The following AHCYL2 variants were observed in gnomAD, a reference collection of about 807,000 sequenced individuals.
AHCYL2 encodes adenosylhomocysteinase like 2, also known as S-adenosylhomocysteine hydrolase-like protein 2.
In AHCYL2, 28 loss-of-function variants were observed where a neutral mutation model predicts 81.4. The ratio of observed to expected loss-of-function variants is 0.34; its 90% confidence interval spans 0.25 to 0.47. The LOEUF (loss-of-function observed/expected upper bound fraction) is 0.47, where lower values mean the gene tolerates loss of function less well. Among genes scored for constraint, AHCYL2 ranks in the 20% least tolerant of loss-of-function variants. The probability of loss-of-function intolerance (pLI) is 1.00; values close to 1 mark genes in which losing one functional copy is unlikely to be tolerated. For synonymous variants in AHCYL2, 272 were observed against 290.2 expected (o/e 0.94, Z 0.64); for missense variants, 551 against 785.1 (o/e 0.70, Z 3.56).
chr7:129,228,673 G>A (rs368974656), intron 1 of AHCYL2, among the ~76,000 whole-genome samples: 3 of 152,196 alleles, frequency 2.0e-5, no homozygotes, highest in South Asian at 2.1e-4. Context: ...GGAAAACAAG[G>A]CAGGAGAGGA....
intron 1 of AHCYL2, among the ~76,000 whole-genome samples, chr7:129,250,373 A>G: frequency 6.6e-6 from 1 of 152,212 alleles, no homozygotes; most frequent in East Asian, 1.9e-4. Context: ...GCTTGATTAC[A>G]GTTGATTATT....
At chr7:129,266,719 A>G (rs968028160) in intron 1 of AHCYL2, among the ~76,000 whole-genome samples, 5 of 152,204 alleles carry the variant, frequency 3.3e-5, no homozygotes, top group Admixed American at 6.5e-5. Context: ...AGGAGGGGCA[A>G]TCCAAAGCTG....
At chr7:129,239,309 C>T (rs1181575498) in intron 1 of AHCYL2, among the ~76,000 whole-genome samples, 12 of 152,244 alleles carry the variant, frequency 7.9e-5, no homozygotes, top group South Asian at 6.2e-4. Context: ...GAGATATGAA[C>T]AATATCAGGT....
In AHCYL2 at chr7:129,258,213, C is replaced by T. The variant is rs557946584; in HGVS notation, c.363+32774C>T. 2.7e-3 allele frequency among the ~76,000 whole-genome samples: 397 copies of T among 146,524 alleles called. 3 individuals are homozygous for T. The highest frequency in any genetic ancestry group is 9.5e-3 in the African/African-American group (380 of 40,102). ...GTTGTTAATTTAACTGAAAGTAAAT[C>T]AGATTCACAGTTCTCAATTTTTTTT... On this transcript the variant is annotated intron_variant, in intron 1 of 16. Transcript: ENST00000325006.
chr7:129,245,125 A>G (rs1484033019), intron 1 of AHCYL2, among the ~76,000 whole-genome samples: 1 of 151,084 alleles, frequency 6.6e-6, no homozygotes, highest in African/African-American at 2.4e-5. Context: ...CCTGGGCTCA[A>G]GTGATTCTCT....
intron 1 of AHCYL2, among the ~76,000 whole-genome samples, chr7:129,348,434 A>G (rs1044879580): frequency 2.7e-5 from 4 of 150,450 alleles, no homozygotes; most frequent in Admixed American, 6.6e-5. Context: ...TTATGAAAAG[A>G]ATGTCTCTAC....
intron 1 of AHCYL2, among the ~76,000 whole-genome samples, chr7:129,273,913 A>G (rs1018407111): frequency 4.6e-5 from 7 of 152,208 alleles, no homozygotes; most frequent in African/African-American, 1.7e-4. Context: ...GAAAGTGAAA[A>G]TAGGCCTTTA....
At chr7:129,327,311 A>C (rs1466494639) in intron 1 of AHCYL2, among the ~76,000 whole-genome samples, 3 of 152,200 alleles carry the variant, frequency 2.0e-5, no homozygotes. Flanking sequence ...CAAGCCAAGA[A>C]GTGGGACCTT....
intron 1 of AHCYL2, among the ~76,000 whole-genome samples, chr7:129,226,496 A>T (rs1563157133): frequency 6.6e-6 from 1 of 152,144 alleles, no homozygotes; most frequent in African/African-American, 2.4e-5. Context: ...TGTTTTTTTT[A>T]AATTGTTGTG....
intron 11 of AHCYL2, chr7:129,410,343 C>G (rs1796508883): frequency 7.4e-6 from 12 of 1,614,240 alleles, no homozygotes; most frequent in South Asian, 1.1e-5. Context: ...AGCTTTAGCT[C>G]TAGGCGTGTT....
At chr7:129,261,231 CTT>C (rs1028805772) in intron 1 of AHCYL2, among the ~76,000 whole-genome samples, 11 of 152,198 alleles carry the variant, frequency 7.2e-5, no homozygotes, top group Admixed American at 2.6e-4. Flanking sequence ...AATGATATCT[CTT>C]ATATCTTTAA....
At chr7:129,281,272 T>A (rs1419349552) in intron 1 of AHCYL2, among the ~76,000 whole-genome samples, 2 of 152,136 alleles carry the variant, frequency 1.3e-5, no homozygotes, top group African/African-American at 4.8e-5. Context: ...CTGAAATTTT[T>A]AAAATATTTT....
At chr7:129,253,207 A>C (rs1795300696) in intron 1 of AHCYL2, among the ~76,000 whole-genome samples, 1 of 146,424 alleles carries the variant, frequency 6.8e-6, no homozygotes, top group Admixed American at 6.8e-5. Context: ...ACTCTGTTTC[A>C]AAAAAAAAAA....
chr7:129,274,959 C>T (rs910644053), intron 1 of AHCYL2, among the ~76,000 whole-genome samples: 4 of 152,160 alleles, frequency 2.6e-5, no homozygotes, highest in Non-Finnish European at 4.4e-5. Flanking sequence ...TCCCAGACAT[C>T]GTCAATCAGA....
At chr7:129,369,428 G>A (rs188182126) in intron 1 of AHCYL2, among the ~76,000 whole-genome samples, 2 of 152,056 alleles carry the variant, frequency 1.3e-5, no homozygotes, top group Non-Finnish European at 2.9e-5. Flanking sequence ...AGAATATATA[G>A]TAGGCCTAAC....
chr7:129,322,093 C>A lies in AHCYL2; in HGVS notation c.364-57545C>A, dbSNP rs117749890. On this transcript the variant is annotated intron_variant, in intron 1 of 16. Transcript: ENST00000325006. ...AAATATTTGGAATTCACCAAGTAAG[C>A]CTTCTGGGCCAGGTTTTGTGTGTGT... 3.4e-3 allele frequency among the ~76,000 whole-genome samples: 496 copies of A among 145,146 alleles called. 2 individuals carry two copies. Among genetic ancestry groups the A allele is most frequent in the South Asian group, 7.7e-3 (34 of 4,404 alleles).
chr7:129,295,556 A>G (rs1222012307), intron 1 of AHCYL2, among the ~76,000 whole-genome samples: 1 of 152,226 alleles, frequency 6.6e-6, no homozygotes, highest in African/African-American at 2.4e-5. Context: ...ATTTCTCCAC[A>G]CCTTTGTTAG....
In AHCYL2 at chr7:129,398,539, C is replaced by T. The variant is rs1374946578; in HGVS notation, c.823+1215C>T. Among the ~76,000 whole-genome samples the T allele has an allele frequency of 1.7e-4, 25 of 151,436 alleles. 1 individual carries two copies. The highest frequency in any genetic ancestry group is 8.4e-4 in the South Asian group (4 of 4,786). On this transcript the variant is annotated intron_variant, in intron 5 of 16. Coordinates refer to ENST00000325006, the MANE Select transcript of AHCYL2 (RefSeq NM_015328.4). Reference sequence around the variant, plus strand: ...GATTACAGGTGCCCTCCACTATACCCGGCTAATTTTTGTATTTTTAGTAGA... The same window carrying T: ...GATTACAGGTGCCCTCCACTATACCTGGCTAATTTTTGTATTTTTAGTAGA...
At chr7:129,346,976 G>C (rs1793382678) in intron 1 of AHCYL2, among the ~76,000 whole-genome samples, 1 of 152,154 alleles carries the variant, frequency 6.6e-6, no homozygotes, top group Non-Finnish European at 1.5e-5. Context: ...TAGTGATCAA[G>C]CTGTGAAAAC....
Sources: gnomAD v4.1 joint callset for allele counts (sites outside exome capture counted in the v4.1 genomes callset) on GRCh38, gnomAD v4.1.1 for gene constraint, MANE v1.5 for transcripts, NCBI Gene and HGNC (gene_info 2026-07-23, HGNC 2026-07-21) for gene names.